CA5A: variants seen among roughly 807,000 people sequenced by gnomAD.
The protein encoded by CA5A is carbonic anhydrase 5A, also known as carbonic anhydrase 5A, mitochondrial.
In CA5A, 28 loss-of-function variants were observed where a neutral mutation model predicts 37.1. That is an observed-to-expected ratio of 0.75 (90% confidence interval 0.56 to 1.03). The LOEUF (loss-of-function observed/expected upper bound fraction) is 1.03. Among genes scored for constraint, CA5A ranks in the 50% least tolerant of loss-of-function variants. CA5A has a pLI of 0.00. For synonymous variants in CA5A, 171 were observed against 158.4 expected (o/e 1.08, Z -0.60); for missense variants, 444 against 399.9 (o/e 1.11, Z -0.94).
intron 5 of CA5A, among the ~76,000 whole-genome samples, chr16:87,900,811 A>G (rs1436917010): frequency 2.0e-5 from 3 of 152,256 alleles, no homozygotes; most frequent in South Asian, 4.1e-4. Context: ...ACATTCTTAA[A>G]TGTTATTAGT....
chr16:87,907,126 G>A (rs2055972888), intron 2 of CA5A, among the ~76,000 whole-genome samples: 1 of 152,196 alleles, frequency 6.6e-6, no homozygotes, highest in Non-Finnish European at 1.5e-5. Context: ...GCTGAGGCAG[G>A]AGAATCGCTT....
At chr16:87,887,436 CAG>C (rs1438981163), downstream of CA5A, 2 of 151,290 alleles carry the variant, frequency 1.3e-5, no homozygotes, top group Non-Finnish European at 1.5e-5. Context: ...TACTTTGAGA[CAG>C]AGTTTTGCTC....
At chr16:87,915,526 A>ATTT (rs59358304) in intron 2 of CA5A, among the ~76,000 whole-genome samples, 2,100 of 73,002 alleles carry the variant, frequency 0.029, 325 homozygotes, top group Non-Finnish European at 0.032. Context: ...CTGTGTCAAA[A>ATTT]TTTTTTTTTT....
At chr16:87,926,994 G>A (rs2056322856) in intron 1 of CA5A, 49 bp from the exon 2 acceptor site, 2 of 1,296,738 alleles carry the variant, frequency 1.5e-6, no homozygotes, top group Non-Finnish European at 2.2e-6. Flanking sequence ...GCTTCATCCT[G>A]TGTCTTGGAC....
intron 2 of CA5A, among the ~76,000 whole-genome samples, chr16:87,917,992 C>T (rs755256714): frequency 3.3e-5 from 5 of 152,200 alleles, no homozygotes; most frequent in South Asian, 4.1e-4. Flanking sequence ...GTCCCAGTCC[C>T]GACACTGCCA....
chr16:87,920,123 C>A (rs1371794333), intron 2 of CA5A, among the ~76,000 whole-genome samples: 1 of 152,174 alleles, frequency 6.6e-6, no homozygotes, highest in Non-Finnish European at 1.5e-5. Flanking sequence ...CGAGGCTGAG[C>A]TGCAGTCTGC....
At chr16:87,908,046 G>C (rs1410948499) in intron 2 of CA5A, among the ~76,000 whole-genome samples, 1 of 152,222 alleles carries the variant, frequency 6.6e-6, no homozygotes, top group Non-Finnish European at 1.5e-5. Flanking sequence ...TGGGATGAAT[G>C]AATACAGGAA....
At chr16:87,927,534 G>A (rs1474436493) in intron 1 of CA5A, among the ~76,000 whole-genome samples, 2 of 152,136 alleles carry the variant, frequency 1.3e-5, no homozygotes, top group Non-Finnish European at 2.9e-5. Flanking sequence ...AAACTGCTTT[G>A]ATTGTCATTT....
downstream of CA5A, chr16:87,885,025 C>G (rs1307151808): frequency 1.3e-5 from 2 of 150,914 alleles, no homozygotes; most frequent in Non-Finnish European, 2.9e-5. Flanking sequence ...TAGCCAGGCA[C>G]GGTGGTGTAT....
intron 1 of CA5A, 36 bp from the exon 2 acceptor site, chr16:87,926,981 T>A (rs771280544): frequency 4.4e-6 from 6 of 1,371,738 alleles, no homozygotes; most frequent in Non-Finnish European, 6.1e-6. Flanking sequence ...GAGTGAGGCA[T>A]GAGCTTCATC....
At chr16:87,913,365 T>C (rs1410038263) in intron 2 of CA5A, among the ~76,000 whole-genome samples, 1 of 149,198 alleles carries the variant, frequency 6.7e-6, no homozygotes, top group Non-Finnish European at 1.5e-5. Context: ...TGCAATGGTG[T>C]GATCATGCCT....
intron 1 of CA5A, among the ~76,000 whole-genome samples, chr16:87,932,936 G>C (rs1421663075): frequency 6.6e-6 from 1 of 152,234 alleles, no homozygotes; most frequent in Non-Finnish European, 1.5e-5. Context: ...GACGTGAGCA[G>C]TAGCTTGGAA....
chr16:87,890,669 G>A (rs1442160659), intron 6 of CA5A, among the ~76,000 whole-genome samples: 1 of 152,152 alleles, frequency 6.6e-6, no homozygotes, highest in Non-Finnish European at 1.5e-5. Flanking sequence ...AGGTTGGAGT[G>A]CAGTGGTGCC....
intron 2 of CA5A, among the ~76,000 whole-genome samples, chr16:87,922,152 A>T (rs368560748): frequency 6.6e-6 from 1 of 151,700 alleles, no homozygotes; most frequent in Non-Finnish European, 1.5e-5. Flanking sequence ...GCTCTAACAC[A>T]CTCTCCAGGG....
At chr16:87,907,181 G>A (rs1295827579) in intron 2 of CA5A, among the ~76,000 whole-genome samples, 1 of 152,148 alleles carries the variant, frequency 6.6e-6, no homozygotes, top group Non-Finnish European at 1.5e-5. Flanking sequence ...TTGCGCCAAT[G>A]CACTTCAGCC....
At chr16:87,929,728 C>G (rs1273286346) in intron 1 of CA5A, among the ~76,000 whole-genome samples, 1 of 151,622 alleles carries the variant, frequency 6.6e-6, no homozygotes, top group African/African-American at 2.4e-5. Flanking sequence ...AAAAATTAGC[C>G]GGGCGTGGTG....
chr16:87,924,354 G>GAC (rs2056273034), intron 2 of CA5A: 2 of 973,688 alleles, frequency 2.1e-6, no homozygotes, highest in Non-Finnish European at 2.4e-6. Flanking sequence ...AGGAGAGAGA[G>GAC]ACACTGGAAG....
At chr16:87,887,910 C>T (rs1285025890), downstream of CA5A, 21 of 547,594 alleles carry the variant, frequency 3.8e-5, no homozygotes, top group East Asian at 6.4e-5. Context: ...CCTGCACTTG[C>T]GTTGGGTGCC....
intron 1 of CA5A, among the ~76,000 whole-genome samples, chr16:87,928,176 T>G (rs1224670436): frequency 6.6e-6 from 1 of 152,126 alleles, no homozygotes; most frequent in Non-Finnish European, 1.5e-5. Flanking sequence ...TTAAATGGAA[T>G]AGTGCGTTTT....
Sources: gnomAD v4.1 joint callset for allele counts (sites outside exome capture counted in the v4.1 genomes callset) on GRCh38, gnomAD v4.1.1 for gene constraint, MANE v1.5 for transcripts, NCBI Gene and HGNC (gene_info 2026-07-23, HGNC 2026-07-21) for gene names.